Variants in SLC41A1 observed in about 807,000 individuals in gnomAD.
SLC41A1 encodes the protein solute carrier family 41 (magnesium transporter), member 1.
Under a neutral mutation model 47.3 loss-of-function variants are expected in SLC41A1, and 20 were observed. The ratio of observed to expected loss-of-function variants is 0.42; its 90% CI spans 0.30 to 0.61. The LOEUF is 0.61. Ranked by LOEUF, SLC41A1 falls within the 20% of genes least tolerant of loss-of-function variation. The probability of loss-of-function intolerance (pLI) is 0.17; values close to 1 mark genes in which losing one functional copy is unlikely to be tolerated. For synonymous variants in SLC41A1, 282 were observed against 272.7 expected (o/e 1.03, Z -0.34); for missense variants, 504 against 674.1 (o/e 0.75, Z 2.79).
At chr1:205,799,666 C>T in intron 4 of SLC41A1, 93 bp downstream of exon 4, 6 of 1,374,658 alleles carry the variant, frequency 4.4e-6, no homozygotes, top group South Asian at 3.7e-5. Context: ...ACTGGAGATT[C>T]ACTCAGGAGC....
At chr1:205,792,001 A>C (rs947917275) in intron 10 of SLC41A1, among the ~76,000 whole-genome samples, 1 of 152,184 alleles carries the variant, frequency 6.6e-6, no homozygotes, top group Non-Finnish European at 1.5e-5. Context: ...AGTTTACCAA[A>C]CAAGGAGCTT....
chr1:205,795,743 G>A (rs55963298), intron 8 of SLC41A1: 12,285 of 554,698 alleles, frequency 0.022, 190 homozygotes, highest in Non-Finnish European at 0.029. Flanking sequence ...TGTTCCCCTG[G>A]CAAAGCTGTG....
At chr1:205,794,788 A>G in intron 10 of SLC41A1, 82 bp downstream of exon 10, 1 of 1,580,982 alleles carries the variant, frequency 6.3e-7, no homozygotes, top group South Asian at 1.1e-5. Flanking sequence ...TTGAGTGTCT[A>G]AGAGGCCAAG....
intron 10 of SLC41A1, among the ~76,000 whole-genome samples, chr1:205,792,323 G>T (rs969490598): frequency 1.3e-5 from 2 of 152,148 alleles, no homozygotes; most frequent in Non-Finnish European, 2.9e-5. Context: ...TGGGCTCAAA[G>T]AATGCAAGTT....
At chr1:205,793,183 C>T (rs1279634473) in intron 10 of SLC41A1, among the ~76,000 whole-genome samples, 4 of 152,208 alleles carry the variant, frequency 2.6e-5, no homozygotes, top group Non-Finnish European at 5.9e-5. Flanking sequence ...AGCAGCTGTC[C>T]TCACATTCCA....
intron 9 of SLC41A1, 137 bp from the exon 10 acceptor site, chr1:205,795,155 G>T (rs954798952): frequency 4.3e-5 from 61 of 1,424,656 alleles, no homozygotes; most frequent in Middle Eastern, 4.7e-4. Context: ...GCATCCTGTG[G>T]TCTCCAACCC....
intron 8 of SLC41A1, chr1:205,795,899 G>C (rs548617674): frequency 1.6e-5 from 5 of 318,562 alleles, no homozygotes; most frequent in South Asian, 2.9e-5. Context: ...CCAATGCTCT[G>C]AGCAGACCCA....
chr1:205,794,752 C>T, intron 10 of SLC41A1, 118 bp downstream of exon 10: 1 of 1,360,564 alleles, frequency 7.3e-7, no homozygotes, highest in South Asian at 1.2e-5. Context: ...TGTTTATCAG[C>T]TGCCCTGACA....
rs559736256 is a variant in SLC41A1, at chr1:205,809,614, A to G, written c.372+456T>C. 6.7e-4 allele frequency among the ~76,000 whole-genome samples: 102 copies of G among 152,296 alleles called. 1 individual carries two copies. Among genetic ancestry groups the G allele is most frequent in the African/African-American group, 2.4e-3 (98 of 41,570 alleles). The stretch of plus-strand genomic sequence containing the variant: ...AATTTGAGACCCTCTTGGCAGCTGA[A>G]CAAATTCCTGCCCAGTAGGGGGATG... On this transcript the variant is annotated intron_variant, in intron 2 of 10. Coordinates refer to ENST00000367137, the MANE Select transcript of SLC41A1 (RefSeq NM_173854.6).
intron 3 of SLC41A1, among the ~76,000 whole-genome samples, chr1:205,800,361 C>G (rs762374719): frequency 7.9e-5 from 12 of 152,208 alleles, no homozygotes; most frequent in Admixed American, 2.0e-4. Flanking sequence ...AGGGAGATCC[C>G]TGGCCTCCTG....
Position 205,795,645 on chromosome 1 carries a change from G to A in SLC41A1, c.1073-167C>T, listed in dbSNP as rs930672202. 11 of 843,528 alleles carry A rather than the reference G, an allele frequency of 1.3e-5. No homozygotes were observed. The South Asian group carries it at 1.7e-4, about 13-fold the overall frequency. The allele number at this position is 843,528 out of a possible 1,614,324, so 52.3% of individuals were successfully genotyped here. ...TCACCAGTCCCCAAAAGAAGAGTAA[G>A]GCACTAAGAAGGAAGACAAAGACCC... On this transcript the variant is annotated intron_variant, in intron 8 of 10. Transcript: ENST00000367137.
At chr1:205,803,937 T>C (rs553957321) in intron 2 of SLC41A1, among the ~76,000 whole-genome samples, 6 of 151,930 alleles carry the variant, frequency 3.9e-5, no homozygotes, top group South Asian at 4.2e-4. Context: ...GTCAAATTCA[T>C]AGAGGCGGAA....
At chr1:205,796,536 T>C in intron 8 of SLC41A1, 2 of 283,668 alleles carry the variant, frequency 7.1e-6, no homozygotes, top group South Asian at 3.8e-5. Context: ...GGATGCAGCA[T>C]GAGGCCCTCA....
chr1:205,802,916 C>A (rs1301692212), intron 2 of SLC41A1, among the ~76,000 whole-genome samples: 1 of 152,104 alleles, frequency 6.6e-6, no homozygotes. Context: ...TGCCTGTAAT[C>A]CCAGCACTTT....
chr1:205,813,067 C>T lies in SLC41A1; in HGVS notation c.-906G>A, dbSNP rs1656200824. 13 of 985,426 alleles carry T rather than the reference C, an allele frequency of 1.3e-5. No individual in the cohort carries two copies. Among genetic ancestry groups the T allele is most frequent in the Non-Finnish European group, 1.6e-5 (13 of 830,024 alleles). The allele number at this position is 985,426 out of a possible 1,614,324, so 61.0% of individuals were successfully genotyped here. A position where few individuals can be genotyped will look rare whatever the true frequency, so the allele number is the denominator to read the frequency against. On this transcript the variant is annotated 5_prime_UTR_variant, in exon 1 of 11. Transcript: ENST00000367137. ...TGGCCGGGGAGGGCAGGATATATCG[C>T]TTCGGGCCCGGCGGGGGGGCACCCG...
At chr1:205,799,225 T>C in intron 4 of SLC41A1, 124 bp from the exon 5 acceptor site, 1 of 1,290,250 alleles carries the variant, frequency 7.8e-7, no homozygotes, top group Non-Finnish European at 1.1e-6. Context: ...CTGGACTGCA[T>C]GGTCCAGTCC....
rs190503314 is a variant in SLC41A1, at chr1:205,790,248, T to C, written c.*1285A>G. 1.6e-3 allele frequency: 240 copies of C among 152,348 alleles called. No individual in the cohort carries two copies. The highest frequency in any genetic ancestry group is 2.2e-3 in the Non-Finnish European group (150 of 68,044). The allele number at this position is 152,348 out of a possible 1,614,324, so 9.4% of individuals were successfully genotyped here. A position where few individuals can be genotyped will look rare whatever the true frequency, so the allele number is the denominator to read the frequency against. On this transcript the variant is annotated 3_prime_UTR_variant, in exon 11 of 11. Transcript: ENST00000367137. ...TCTCTGCCAGATTCAAAGGGGCACA[T>C]GGCCTTTGTAACCTGGAGAATGAGG...
intron 2 of SLC41A1, chr1:205,801,377 G>T (rs963195222): frequency 1.7e-5 from 6 of 363,048 alleles, no homozygotes; most frequent in Non-Finnish European, 2.7e-5. Context: ...ACACAGCTGA[G>T]CTGCCCTGGG....
chr1:205,794,962 C>T lies in SLC41A1; in HGVS notation c.1264G>A (p.Val422Met). ...LFLLVVPGHL[V>M]FLYTISCMQG... ...ATACAGCTGATGGTGTAGAGGAACA[C>T]CAGGTGTCCTGGGACCACGAGGAGG... The change falls in exon 10 of 11, where the codon GTG (valine) becomes ATG (methionine). Residue 422 changes from valine (V) to methionine (M), a missense_variant. Transcript: ENST00000367137. The T allele has an allele frequency of 6.2e-7, 1 of 1,613,994 alleles. No homozygotes were observed. Among genetic ancestry groups the T allele is most frequent in the Non-Finnish European group, 8.5e-7 (1 of 1,179,988 alleles).
Sources: gnomAD v4.1 joint callset for allele counts (sites outside exome capture counted in the v4.1 genomes callset) on GRCh38, gnomAD v4.1.1 for gene constraint, MANE v1.5 for transcripts, NCBI Gene and HGNC (gene_info 2026-07-23, HGNC 2026-07-21) for gene names.